The following SORCS1 variants were observed in gnomAD, a reference collection of about 807,000 sequenced individuals.
SORCS1 encodes VPS10 domain-containing receptor SorCS1.
In SORCS1, 60 loss-of-function variants were observed where a neutral mutation model predicts 146.1. The observed-to-expected ratio is 0.41, with a 90% CI of 0.33 to 0.51. The LOEUF (loss-of-function observed/expected upper bound fraction) is 0.51. SORCS1 is among the 20% of genes least tolerant of loss of function. The pLI, the probability that SORCS1 is intolerant of heterozygous loss-of-function variation, is 0.21. For missense variants in SORCS1, 1,352 were observed against 1,487.6 expected, an observed-to-expected ratio of 0.91 and a Z score of 1.50; for synonymous variants, 637 against 584.0, an observed-to-expected ratio of 1.09 and a Z score of -1.31.
Position 106,717,769 on chromosome 10 carries a change from G to GA in SORCS1, c.1025-8429dup, listed in dbSNP as rs1855480286. On this transcript the variant is annotated intron_variant, in intron 6 of 25. Transcript: ENST00000263054. The stretch of plus-strand genomic sequence containing the variant: ...GCACCAATCTAATAATATAAATACA[G>GA]AAAGTTCACTGTCCAATTACAATGC... 3.3e-5 allele frequency among the ~76,000 whole-genome samples: 5 copies of GA among 152,278 alleles called. No homozygotes were observed. In the South Asian group the frequency reaches 1.0e-3, roughly 32 times the overall value.
At chr10:106,767,426 G>T (rs1037969995) in intron 4 of SORCS1, among the ~76,000 whole-genome samples, 2 of 152,076 alleles carry the variant, frequency 1.3e-5, no homozygotes, top group Non-Finnish European at 2.9e-5. Context: ...TGTGCATTCA[G>T]GTCTGGAGGT....
chr10:106,722,120 T>TAC (rs140882766), intron 6 of SORCS1, among the ~76,000 whole-genome samples: 3,215 of 144,332 alleles, frequency 0.022, 109 homozygotes, highest in African/African-American at 0.07. Flanking sequence ...AATATATAAA[T>TAC]ACACACACAC....
intron 1 of SORCS1, among the ~76,000 whole-genome samples, chr10:107,075,628 G>A (rs1358241363): frequency 2.6e-5 from 4 of 152,018 alleles, no homozygotes; most frequent in Non-Finnish European, 5.9e-5. Context: ...TGCTTCTAAA[G>A]TTACACATTT....
At chr10:106,983,267 AATATAC>A (rs1956317733) in intron 1 of SORCS1, among the ~76,000 whole-genome samples, 1 of 148,220 alleles carries the variant, frequency 6.7e-6, no homozygotes, top group Non-Finnish European at 1.5e-5. Flanking sequence ...TCTATATATA[AATATAC>A]ATATACATAT....
At position 106,621,592 on chromosome 10, in the gene SORCS1, A is replaced by G. The variant is rs554895876; in HGVS notation, c.2663-1031T>C. ...TCTAACACCCCTTTCTGGGCTCTAG[A>G]CTCCTTCTGGGGGGGTCTAGACTTC... On this transcript the variant is annotated intron_variant, in intron 19 of 25. Transcript: ENST00000263054. 6.0e-5 allele frequency among the ~76,000 whole-genome samples: 9 copies of G among 151,182 alleles called. No homozygotes were observed. In the East Asian group the frequency reaches 1.2e-3, roughly 20 times the overall value.
intron 1 of SORCS1, among the ~76,000 whole-genome samples, chr10:107,132,866 A>T (rs1039603289): frequency 4.0e-5 from 6 of 151,094 alleles, no homozygotes; most frequent in Admixed American, 3.3e-4. Flanking sequence ...AATAAAAAAA[A>T]ATAAAAAACG....
At chr10:106,635,992 G>GGAAAA (rs1848701495) in intron 18 of SORCS1, among the ~76,000 whole-genome samples, 1 of 152,118 alleles carries the variant, frequency 6.6e-6, no homozygotes, top group African/African-American at 2.4e-5. Context: ...GACAAGGAGT[G>GGAAAA]GAAAAGGAAA....
intron 2 of SORCS1, among the ~76,000 whole-genome samples, chr10:106,940,914 T>G (rs952034242): frequency 2.6e-5 from 4 of 152,142 alleles, no homozygotes; most frequent in African/African-American, 9.7e-5. Context: ...AATTATTCTC[T>G]GTGTGGATAG....
chr10:106,677,988 C>T (rs977373306), intron 12 of SORCS1, among the ~76,000 whole-genome samples: 1 of 152,108 alleles, frequency 6.6e-6, no homozygotes, highest in Non-Finnish European at 1.5e-5. Context: ...GTTCTGTTGT[C>T]ATCTTTGGGT....
At chr10:106,710,416 C>T (rs937105273) in intron 6 of SORCS1, among the ~76,000 whole-genome samples, 1 of 131,432 alleles carries the variant, frequency 7.6e-6, no homozygotes, top group Non-Finnish European at 1.6e-5. Flanking sequence ...CCACTGCACT[C>T]CAACCTGGGT....
At chr10:106,816,363 G>T (rs1947741531) in intron 3 of SORCS1, among the ~76,000 whole-genome samples, 1 of 152,202 alleles carries the variant, frequency 6.6e-6, no homozygotes, top group Admixed American at 6.5e-5. Flanking sequence ...ACGTTTACCT[G>T]AGAGGCCACC....
At chr10:106,858,115 T>C (rs760710364) in intron 2 of SORCS1, among the ~76,000 whole-genome samples, 1 of 152,196 alleles carries the variant, frequency 6.6e-6, no homozygotes, top group Non-Finnish European at 1.5e-5. Context: ...TCATGTAAAA[T>C]TGACATAAAA....
chr10:106,606,272 TATACACACACACACACACACACACAC>T (rs754463388), intron 23 of SORCS1, among the ~76,000 whole-genome samples: 16 of 107,844 alleles, frequency 1.5e-4, no homozygotes, highest in Admixed American at 3.1e-4. Context: ...CACACACAGA[TATACACACACACACACACACACACAC>T]ACACACACAC....
chr10:107,056,878 A>C (rs1408689971), intron 1 of SORCS1, among the ~76,000 whole-genome samples: 2 of 152,224 alleles, frequency 1.3e-5, no homozygotes, highest in African/African-American at 4.8e-5. Flanking sequence ...CAGGTAATGG[A>C]TATATTTCAA....
At chr10:106,585,376 T>C (rs1845168248) in intron 24 of SORCS1, among the ~76,000 whole-genome samples, 2 of 152,192 alleles carry the variant, frequency 1.3e-5, no homozygotes, top group African/African-American at 4.8e-5. Flanking sequence ...GTCCTGTCTT[T>C]AGGGCATGCC....
chr10:107,152,983 C>T (rs1478869123), intron 1 of SORCS1, among the ~76,000 whole-genome samples: 2 of 152,066 alleles, frequency 1.3e-5, no homozygotes, highest in South Asian at 2.1e-4. Flanking sequence ...TCTTCCTCTT[C>T]TCAATCTGCC....
chr10:106,943,319 C>A (rs997848931), intron 2 of SORCS1, among the ~76,000 whole-genome samples: 2 of 152,168 alleles, frequency 1.3e-5, no homozygotes, highest in African/African-American at 4.8e-5. Context: ...GGGATCTCCT[C>A]AGTTTTTCTC....
chr10:107,152,636 CCT>C (rs1166381685), intron 1 of SORCS1, among the ~76,000 whole-genome samples: 2 of 152,100 alleles, frequency 1.3e-5, no homozygotes, highest in African/African-American at 2.4e-5. Context: ...TCACTCTGCA[CCT>C]CTCTCTTCTG....
chr10:106,589,576 G>T (rs1845468815), intron 24 of SORCS1, among the ~76,000 whole-genome samples: 1 of 151,630 alleles, frequency 6.6e-6, no homozygotes, highest in African/African-American at 2.4e-5. Flanking sequence ...GTATATTCTG[G>T]TCCTGGTCTT....
Sources: gnomAD v4.1 joint callset for allele counts (sites outside exome capture counted in the v4.1 genomes callset) on GRCh38, gnomAD v4.1.1 for gene constraint, MANE v1.5 for transcripts, NCBI Gene and HGNC (gene_info 2026-07-23, HGNC 2026-07-21) for gene names.